Variants in CCDC60 observed in about 807,000 individuals in gnomAD.
CCDC60 encodes the protein coiled-coil domain containing 60, also known as coiled-coil domain-containing protein 60.
Under a neutral mutation model 63.5 loss-of-function variants are expected in CCDC60, and 54 were observed. That is an observed-to-expected ratio of 0.85 (90% confidence interval 0.68 to 1.07). The LOEUF (loss-of-function observed/expected upper bound fraction) is 1.07, where lower values mean the gene tolerates loss of function less well. Ranked by LOEUF, CCDC60 falls within the 50% of genes least tolerant of loss-of-function variation. The pLI is 0.00. For synonymous variants in CCDC60, 206 were observed against 238.8 expected, an observed-to-expected ratio of 0.86 and a Z score of 1.27; for missense variants, 651 against 684.3, an observed-to-expected ratio of 0.95 and a Z score of 0.54.
chr12:119,428,556 G>A (rs375619657), intron 1 of CCDC60, 127 bp from the exon 2 acceptor site: 1 of 628,282 alleles, frequency 1.6e-6, no homozygotes, highest in Non-Finnish European at 2.9e-6. Context: ...GGTAGACTCT[G>A]TGCTGCCCAG....
intron 7 of CCDC60, among the ~76,000 whole-genome samples, chr12:119,507,573 TATATACACATATATATACATATA>T (rs1952064293): frequency 1.8e-4 from 7 of 39,244 alleles, no homozygotes; most frequent in African/African-American, 1.4e-3. Context: ...TATATATGTA[TATATACACATATATATACATATA>T]TATATATATA....
chr12:119,373,677 T>C (rs1239188350), intron 1 of CCDC60, among the ~76,000 whole-genome samples: 12 of 111,926 alleles, frequency 1.1e-4, no homozygotes, highest in Admixed American at 2.9e-4. Context: ...TGGGGGGGGG[T>C]CTCAGTTCCC....
intron 2 of CCDC60, among the ~76,000 whole-genome samples, chr12:119,449,519 G>A (rs1287196419): frequency 1.3e-5 from 2 of 152,162 alleles, no homozygotes; most frequent in South Asian, 2.1e-4. Flanking sequence ...CCACATCAGT[G>A]TAAGAAGGTG....
At chr12:119,510,260 C>A (rs1193957749) in intron 7 of CCDC60, among the ~76,000 whole-genome samples, 2 of 152,226 alleles carry the variant, frequency 1.3e-5, no homozygotes, top group African/African-American at 2.4e-5. Flanking sequence ...CTGCCCAGGT[C>A]AGCTCTTGCT....
chr12:119,435,803 G>A (rs1479377409), intron 2 of CCDC60, among the ~76,000 whole-genome samples: 1 of 152,188 alleles, frequency 6.6e-6, no homozygotes, highest in East Asian at 1.9e-4. Context: ...ATGAGGCTAT[G>A]GTTCCACTGG....
At chr12:119,419,009 C>T (rs558479990) in intron 1 of CCDC60, among the ~76,000 whole-genome samples, 2 of 152,348 alleles carry the variant, frequency 1.3e-5, no homozygotes, top group East Asian at 1.9e-4. Context: ...TTTCATGCAG[C>T]GGAAGTCAGA....
intron 1 of CCDC60, among the ~76,000 whole-genome samples, chr12:119,341,778 T>C (rs552272963): frequency 6.6e-6 from 1 of 152,174 alleles, no homozygotes; most frequent in South Asian, 2.1e-4. Context: ...AGGCCTCAGC[T>C]TAAGGGTAGA....
At chr12:119,531,765 A>G (rs1311432871) in intron 13 of CCDC60, among the ~76,000 whole-genome samples, 1 of 152,176 alleles carries the variant, frequency 6.6e-6, no homozygotes, top group Non-Finnish European at 1.5e-5. Flanking sequence ...GAAGGTCAAG[A>G]TAAAAATTTA....
chr12:119,507,591 C>T (rs12307246), intron 7 of CCDC60, among the ~76,000 whole-genome samples: 1,205 of 22,876 alleles, frequency 0.053, 107 homozygotes, highest in East Asian at 0.2. Context: ...CATATATATA[C>T]ATATATATAT....
chr12:119,504,871 C>T (rs567879856), intron 6 of CCDC60, among the ~76,000 whole-genome samples, 198 bp from the exon 7 acceptor site: 1 of 152,246 alleles, frequency 6.6e-6, no homozygotes, highest in South Asian at 2.1e-4. Flanking sequence ...AACATTATCT[C>T]GATTTGTGAC....
chr12:119,409,645 A>C (rs1300181332), intron 1 of CCDC60, among the ~76,000 whole-genome samples: 1 of 152,214 alleles, frequency 6.6e-6, no homozygotes, highest in Non-Finnish European at 1.5e-5. Context: ...GATTTCACTC[A>C]ATATCCATTT....
intron 8 of CCDC60, among the ~76,000 whole-genome samples, chr12:119,518,095 T>C (rs1952402952): frequency 6.6e-6 from 1 of 152,182 alleles, no homozygotes; most frequent in Non-Finnish European, 1.5e-5. Context: ...TTGTGAATGA[T>C]GAATTCGCTG....
chr12:119,535,016 G>T lies in CCDC60; in HGVS notation c.1551+3953G>T, dbSNP rs151244213. Among the ~76,000 whole-genome samples, 660 of 152,256 alleles carry T rather than the reference G, an allele frequency of 4.3e-3. 8 individuals carry two copies. Among genetic ancestry groups the T allele is most frequent in the African/African-American group, 0.015 (605 of 41,544 alleles). ...GGTACCAGCTCCTCTTTGTACCTCTGGTAGAATTTGGCTGTGAATCCGTAT... is the reference window on the plus strand; with the variant it reads ...GGTACCAGCTCCTCTTTGTACCTCTTGTAGAATTTGGCTGTGAATCCGTAT... On this transcript the variant is annotated intron_variant, in intron 13 of 13. Coordinates refer to ENST00000327554, the MANE Select transcript of CCDC60 (RefSeq NM_178499.5).
At chr12:119,412,804 A>C (rs941834615) in intron 1 of CCDC60, among the ~76,000 whole-genome samples, 1 of 117,898 alleles carries the variant, frequency 8.5e-6, no homozygotes, top group Non-Finnish European at 1.6e-5. Context: ...AATGGGGCAC[A>C]TTGATGCTGC....
chr12:119,495,168 A>G (rs1261279499), intron 5 of CCDC60, among the ~76,000 whole-genome samples: 1 of 152,234 alleles, frequency 6.6e-6, no homozygotes, highest in East Asian at 1.9e-4. Flanking sequence ...GCAAAAGGTA[A>G]GGCAGGATTC....
intron 13 of CCDC60, among the ~76,000 whole-genome samples, chr12:119,535,509 G>T (rs1208827710): frequency 6.6e-6 from 1 of 152,130 alleles, no homozygotes; most frequent in Non-Finnish European, 1.5e-5. Flanking sequence ...TGATGTTAGG[G>T]TGTTGATTTT....
chr12:119,540,772 C>T lies in CCDC60; in HGVS notation c.*57C>T, dbSNP rs1487649840. 2 of 1,225,032 alleles carry T rather than the reference C, an allele frequency of 1.6e-6. No homozygotes were observed. The highest frequency in any genetic ancestry group is 1.2e-5 in the South Asian group (1 of 81,750). The allele number at this position is 1,225,032 out of a possible 1,614,324, so 75.9% of individuals were successfully genotyped here. On this transcript the variant is annotated 3_prime_UTR_variant, in exon 14 of 14. Coordinates refer to ENST00000327554, the MANE Select transcript of CCDC60 (RefSeq NM_178499.5). ...GAGGAGTGTTTGCCTATATCATGTT[C>T]CTGTATCCTGCCTGTGTTCCTGCCT... is the stretch of plus-strand genomic sequence containing the variant.
At chr12:119,406,200 T>TAG (rs1565991424) in intron 1 of CCDC60, among the ~76,000 whole-genome samples, 17 of 136,466 alleles carry the variant, frequency 1.2e-4, no homozygotes, top group African/African-American at 4.4e-4. Context: ...TAGATATATA[T>TAG]ATATAGAGAG....
chr12:119,345,558 T>C (rs909013107), intron 1 of CCDC60, among the ~76,000 whole-genome samples: 28 of 150,596 alleles, frequency 1.9e-4, no homozygotes, highest in African/African-American at 6.5e-4. Context: ...GGCCTGCAGT[T>C]TAGATGGGAC....
Sources: allele counts gnomAD v4.1 joint callset (sites outside exome capture counted in the v4.1 genomes callset), GRCh38; gene constraint gnomAD v4.1.1; transcripts MANE v1.5; gene names NCBI Gene and HGNC (gene_info 2026-07-23, HGNC 2026-07-21).